CAMK1D: variants seen among roughly 807,000 people sequenced by gnomAD.
CAMK1D encodes the protein calcium/calmodulin-dependent protein kinase type 1D.
CAMK1D carries 9 observed loss-of-function variants against 47.7 expected under a neutral mutation model. That is an observed-to-expected ratio of 0.19 (90% CI 0.11 to 0.33). The LOEUF (loss-of-function observed/expected upper bound fraction) is 0.33. Ranked by LOEUF, CAMK1D falls within the 10% of genes least tolerant of loss-of-function variation. CAMK1D has a pLI of 1.00. For missense variants in CAMK1D, 291 were observed against 488.7 expected (o/e 0.60, Z 3.81); for synonymous variants, 184 against 184.9 (o/e 0.99, Z 0.04).
intron 2 of CAMK1D, among the ~76,000 whole-genome samples, chr10:12,643,574 G>A (rs751436815): frequency 1.4e-4 from 21 of 152,164 alleles, no homozygotes; most frequent in Admixed American, 3.9e-4. Flanking sequence ...TCTAGGTTGT[G>A]TGCTCCTGAT....
chr10:12,546,597 T>G (rs1836379176), intron 1 of CAMK1D, among the ~76,000 whole-genome samples: 1 of 152,026 alleles, frequency 6.6e-6, no homozygotes, highest in Non-Finnish European at 1.5e-5. Context: ...TAAGAAAATG[T>G]GGCACATATA....
intron 2 of CAMK1D, among the ~76,000 whole-genome samples, chr10:12,641,305 A>T (rs766267412): frequency 6.6e-6 from 1 of 152,152 alleles, no homozygotes; most frequent in Non-Finnish European, 1.5e-5. Context: ...TTGACTTTTT[A>T]AAAAATTAGT....
At chr10:12,384,111 T>C in intron 1 of CAMK1D, among the ~76,000 whole-genome samples, 1 of 152,162 alleles carries the variant, frequency 6.6e-6, no homozygotes, top group East Asian at 1.9e-4. Context: ...TATAATATCA[T>C]CAATAAGAAT....
intron 1 of CAMK1D, among the ~76,000 whole-genome samples, chr10:12,438,389 A>G (rs942312432): frequency 1.3e-5 from 2 of 152,162 alleles, no homozygotes; most frequent in East Asian, 1.9e-4. Flanking sequence ...ACATGTGGCT[A>G]TTGTCCCTGC....
intron 3 of CAMK1D, among the ~76,000 whole-genome samples, chr10:12,723,908 A>C (rs1305317600): frequency 6.7e-6 from 1 of 149,522 alleles, no homozygotes; most frequent in Non-Finnish European, 1.5e-5. Flanking sequence ...ATCCCTCCCC[A>C]CTCCCCCTAC....
intron 1 of CAMK1D, among the ~76,000 whole-genome samples, chr10:12,361,237 C>T (rs892666474): frequency 1.5e-5 from 2 of 132,422 alleles, no homozygotes; most frequent in Non-Finnish European, 3.1e-5. Context: ...AACAAGACTT[C>T]CTATTTGACT....
intron 1 of CAMK1D, among the ~76,000 whole-genome samples, chr10:12,419,664 A>ACACACACACACACACACG (rs1376378670): frequency 6.6e-6 from 1 of 151,988 alleles, no homozygotes; most frequent in Non-Finnish European, 1.5e-5. Flanking sequence ...ACACACACAC[A>ACACACACACACACACACG]CACACGCAAA....
intron 2 of CAMK1D, among the ~76,000 whole-genome samples, chr10:12,665,338 C>T (rs970664047): frequency 6.6e-6 from 1 of 152,172 alleles, no homozygotes; most frequent in African/African-American, 2.4e-5. Flanking sequence ...TGTTTTCCAC[C>T]TTATAAACTT....
chr10:12,765,772 G>T lies in CAMK1D; in HGVS notation c.439-3901G>T, dbSNP rs371015732. ...CTGTAGAGAGAGGGGTCCCAAGCGG[G>T]TTTCCGGTCTGTGGTGAAATGCAGG... On this transcript the variant is annotated intron_variant, in intron 4 of 10. Transcript: ENST00000619168. Among the ~76,000 whole-genome samples the T allele has an allele frequency of 1.6e-4, 24 of 152,188 alleles. No homozygotes were observed. The East Asian group carries it at 2.7e-3, about 17-fold the overall frequency.
chr10:12,764,118 C>T (rs1324315283), intron 4 of CAMK1D, among the ~76,000 whole-genome samples: 1 of 152,182 alleles, frequency 6.6e-6, no homozygotes, highest in Non-Finnish European at 1.5e-5. Context: ...CGGAGGCTCA[C>T]GCCTGTAATC....
chr10:12,780,051 G>A (rs115479675), intron 5 of CAMK1D, among the ~76,000 whole-genome samples: 4,739 of 152,100 alleles, frequency 0.031, 237 homozygotes, highest in African/African-American at 0.11. Context: ...TAGTTTAAAC[G>A]TGTTTCATCT....
chr10:12,439,233 G>A (rs1036123792), intron 1 of CAMK1D, among the ~76,000 whole-genome samples: 2 of 152,160 alleles, frequency 1.3e-5, no homozygotes, highest in African/African-American at 4.8e-5. Flanking sequence ...CTTGACAGGT[G>A]CTTTCTGTGG....
intron 4 of CAMK1D, among the ~76,000 whole-genome samples, chr10:12,764,592 C>T (rs1196686655): frequency 6.6e-6 from 1 of 150,956 alleles, no homozygotes; most frequent in East Asian, 1.9e-4. Context: ...CTCCTTATCA[C>T]CTCCTGGGAC....
Position 12,712,892 on chromosome 10 carries a change from G to A in CAMK1D, c.299+46082G>A, listed in dbSNP as rs553316617. Among the ~76,000 whole-genome samples the A allele has an allele frequency of 3.9e-5, 6 of 152,244 alleles. No homozygotes were observed. The South Asian group carries it at 1.0e-3, about 26-fold the overall frequency. ...AGCGAAGGGGAGGGTACTGAGCTTA[G>A]CAGCAGCCAGCTTCATTGTCAGTTC... On this transcript the variant is annotated intron_variant, in intron 3 of 10. Transcript: ENST00000619168.
intron 3 of CAMK1D, among the ~76,000 whole-genome samples, chr10:12,669,161 G>C (rs1334619657): frequency 2.0e-5 from 3 of 152,172 alleles, no homozygotes; most frequent in African/African-American, 7.2e-5. Context: ...GAGCCTGGGA[G>C]GTGGAGGTTG....
At chr10:12,805,769 G>C (rs1417839541) in intron 6 of CAMK1D, among the ~76,000 whole-genome samples, 1 of 152,186 alleles carries the variant, frequency 6.6e-6, no homozygotes, top group Non-Finnish European at 1.5e-5. Context: ...AGTCAGGTTG[G>C]GGTGGCAGTC....
chr10:12,476,313 G>A (rs1833902238), intron 1 of CAMK1D, among the ~76,000 whole-genome samples: 1 of 151,870 alleles, frequency 6.6e-6, no homozygotes, highest in African/African-American at 2.4e-5. Flanking sequence ...GAAGTCTAGA[G>A]TGAATCCCAG....
At chr10:12,659,380 T>C (rs1031982569) in intron 2 of CAMK1D, among the ~76,000 whole-genome samples, 6 of 152,144 alleles carry the variant, frequency 3.9e-5, no homozygotes, top group Admixed American at 2.0e-4. Context: ...GGGAGAACAA[T>C]TAAGTGATTA....
intron 3 of CAMK1D, among the ~76,000 whole-genome samples, chr10:12,679,442 G>C (rs1445925488): frequency 6.6e-6 from 1 of 152,172 alleles, no homozygotes; most frequent in Non-Finnish European, 1.5e-5. Flanking sequence ...TATCACCATG[G>C]ACTTCATTGC....
Sources: allele counts gnomAD v4.1 joint callset (sites outside exome capture counted in the v4.1 genomes callset), GRCh38; gene constraint gnomAD v4.1.1; transcripts MANE v1.5; gene names NCBI Gene and HGNC (gene_info 2026-07-23, HGNC 2026-07-21).